KIFC3: variants seen among roughly 807,000 people sequenced by gnomAD.
KIFC3 encodes the protein kinesin family member C3.
A neutral mutation model predicts 101.8 loss-of-function variants in KIFC3; 60 were observed. That is an observed-to-expected ratio of 0.59 (90% CI 0.48 to 0.73). The LOEUF is 0.73. KIFC3 is among the 30% of genes least tolerant of loss of function. The pLI, the probability that KIFC3 is intolerant of heterozygous loss-of-function variation, is 0.00. For synonymous variants in KIFC3, 476 were observed against 482.7 expected (o/e 0.99, Z 0.18); for missense variants, 966 against 1,137.1 (o/e 0.85, Z 2.16).
At chr16:57,852,639 G>A (rs909880487) in intron 1 of KIFC3, among the ~76,000 whole-genome samples, 1 of 152,098 alleles carries the variant, frequency 6.6e-6, no homozygotes, top group East Asian at 1.9e-4. Context: ...TTCAGGAAGG[G>A]ATGGAAATGA....
In KIFC3 at chr16:57,758,626, G is replaced by A. The variant is rs781824780; in HGVS notation, c.*308C>T. On this transcript the variant is annotated 3_prime_UTR_variant, in exon 20 of 20. Transcript: ENST00000445690. ...GAGGCCCACCCTCCTCCACACTCCC[G>A]CCCTCCTCACGGGGCCCAGTTCGCT... 5.0e-5 allele frequency: 35 copies of A among 695,608 alleles called. No homozygotes were observed. Among genetic ancestry groups the A allele is most frequent in the Non-Finnish European group, 6.8e-5 (26 of 381,260 alleles). The allele number at this position is 695,608 out of a possible 1,614,324, so 43.1% of individuals were successfully genotyped here. A position where few individuals can be genotyped will look rare whatever the true frequency, so the allele number is the denominator to read the frequency against.
chr16:57,759,384 G>C (rs1431705479), intron 18 of KIFC3: 2 of 603,658 alleles, frequency 3.3e-6, no homozygotes, highest in African/African-American at 3.7e-5. Flanking sequence ...GGCACAGGGA[G>C]GGGGCTGCAG....
Position 57,759,385 on chromosome 16 carries a change from G to A in KIFC3, c.2477-232C>T. 5.0e-6 allele frequency: 3 copies of A among 601,074 alleles called. No homozygotes were observed. In the South Asian group the frequency reaches 6.0e-5, roughly 12 times the overall value. 37.2% of individuals were successfully genotyped at this position (601,074 alleles called of 1,614,324 possible). The stretch of plus-strand genomic sequence containing the variant: ...CCCGGGGCAGCTGAGGCACAGGGAG[G>A]GGGCTGCAGGGGCTGCTCTGGAGGG... On this transcript the variant is annotated intron_variant, in intron 18 of 19. Coordinates refer to ENST00000445690, the MANE Select transcript of KIFC3 (RefSeq NM_001130100.2).
chr16:57,828,311 C>T (rs1301119533), intron 1 of KIFC3, among the ~76,000 whole-genome samples: 2 of 152,254 alleles, frequency 1.3e-5, no homozygotes, highest in Non-Finnish European at 2.9e-5. Flanking sequence ...CGTGAGGCCA[C>T]CTGCCCGGTA....
At chr16:57,783,472 C>CTTTCTT (rs557476340) in intron 3 of KIFC3, among the ~76,000 whole-genome samples, 1 of 82,622 alleles carries the variant, frequency 1.2e-5, no homozygotes. Flanking sequence ...ATTTTCTTTT[C>CTTTCTT]TTTTTTTTTT....
Position 57,770,629 on chromosome 16 carries a change from G to A in KIFC3, c.837C>T (p.Asn279=). 3.2e-6 allele frequency: 5 copies of A among 1,552,186 alleles called. No individual in the cohort carries two copies. The highest frequency in any genetic ancestry group is 3.5e-6 in the Non-Finnish European group (4 of 1,147,894). The change falls in exon 7 of 20, where the codon AAC becomes AAT. Residue 279 remains asparagine, a synonymous_variant. Transcript: ENST00000445690. ...KQALSESQAR[N]QHLQEQVAMQ... ...TAGCCACCTGCTCCTGCAGGTGCTG[G>A]TTCCGGGCCTGGGACTCGCTGAGGG...
chr16:57,813,688 G>A (rs923558758), intron 1 of KIFC3: 12 of 985,140 alleles, frequency 1.2e-5, no homozygotes, highest in African/African-American at 8.7e-5. Flanking sequence ...CATCCTGCGT[G>A]TGTCCAGCAC....
intron 1 of KIFC3, among the ~76,000 whole-genome samples, chr16:57,858,800 A>G (rs2056233950): frequency 6.6e-6 from 1 of 152,148 alleles, no homozygotes; most frequent in Non-Finnish European, 1.5e-5. Context: ...TACAAAAAAG[A>G]TTAGCTGAGC....
chr16:57,797,993 G>A (rs1451165082), intron 2 of KIFC3, 79 bp downstream of exon 2: 8 of 1,548,358 alleles, frequency 5.2e-6, no homozygotes, highest in Admixed American at 3.9e-5. Flanking sequence ...CTTAGGAACC[G>A]GTGAGAAACC....
At position 57,764,150 on chromosome 16, in the gene KIFC3, G is replaced by A; in HGVS notation, c.1610C>T (p.Thr537Met). 1.9e-6 allele frequency: 3 copies of A among 1,611,372 alleles called. No homozygotes were observed. The highest frequency in any genetic ancestry group is 1.1e-5 in the South Asian group (1 of 91,050). The change falls in exon 12 of 20, where the codon ACG becomes ATG. Residue 537 changes from threonine (T) to methionine (M), a missense_variant. By Grantham distance (81) the Thr-to-Met change is moderately conservative (BLOSUM62 -1). Transcript: ENST00000445690. Reference sequence around the variant, plus strand: ...CCATTGGGCAGCACCCACCTCCATCGTGTACGTCTTGCCGGCGCCCGTCTG... The same window carrying A: ...CCATTGGGCAGCACCCACCTCCATCATGTACGTCTTGCCGGCGCCCGTCTG... Reference protein sequence around the residue: ...YGQTGAGKTYTMEGTAENPGI... With the variant: ...YGQTGAGKTYMMEGTAENPGI...
chr16:57,776,452 G>A, intron 3 of KIFC3: 1 of 980,938 alleles, frequency 1.0e-6, no homozygotes, highest in Non-Finnish European at 1.2e-6. Flanking sequence ...TCTAAAGCCA[G>A]GCTGCCCAGG....
At chr16:57,815,488 A>T in intron 1 of KIFC3, 4 of 1,247,292 alleles carry the variant, frequency 3.2e-6, no homozygotes, top group Non-Finnish European at 4.1e-6. Flanking sequence ...ATCACCCCCA[A>T]CCTGGCTGAT....
upstream of KIFC3, chr16:57,802,970 C>T (rs1482048053): frequency 3.9e-6 from 6 of 1,535,736 alleles, no homozygotes; most frequent in Non-Finnish European, 5.2e-6. This position sits in a 1 kb window ranked among gnomAD's most constrained non-coding sequence, Gnocchi z 5.0. Context: ...CGAGACAATA[C>T]ATGTACATCC....
In KIFC3 at chr16:57,771,430, G is replaced by A. The variant is rs1555608196; in HGVS notation, c.533C>T (p.Ala178Val). The A allele has an allele frequency of 6.2e-7, 1 of 1,613,560 alleles. No individual in the cohort carries two copies. Among genetic ancestry groups the A allele is most frequent in the East Asian group, 2.2e-5 (1 of 44,886 alleles). ...CTGGGACAGCTTGTCACGGAGCTGG[G>A]CGCTCTCCTGCAGCCATTGGGAGGC... Reference protein sequence around the residue: ...CPGCEHSQESAQLRDKLSQLQ... With the variant: ...CPGCEHSQESVQLRDKLSQLQ... The change falls in exon 6 of 20, where the codon GCC (alanine) becomes GTC (valine). Residue 178 changes from alanine (A) to valine (V), a missense_variant. Physicochemically the swap from Ala to Val is moderately conservative, Grantham distance 64. Coordinates refer to ENST00000445690, the MANE Select transcript of KIFC3 (RefSeq NM_001130100.2).
At chr16:57,776,123 T>G (rs1405615120) in intron 3 of KIFC3, 1 of 985,322 alleles carries the variant, frequency 1.0e-6, no homozygotes, top group Non-Finnish European at 1.2e-6. Flanking sequence ...GCTGGTTACC[T>G]CCTTACCTCC....
Position 57,795,892 on chromosome 16 carries a change from T to TTG in KIFC3, c.173-752_173-751insCA, listed in dbSNP as rs1555622695. ...TTTTTTTGGGCTTTTTTGTTTTTTT[T>TTG]TTTTTTTTTTTTTTTTTTTGAGACA... On this transcript the variant is annotated intron_variant, in intron 2 of 19. Coordinates refer to ENST00000445690, the MANE Select transcript of KIFC3 (RefSeq NM_001130100.2). Among the ~76,000 whole-genome samples the TTG allele has an allele frequency of 2.0e-3, 267 of 130,364 alleles. 7 individuals carry two copies. Among genetic ancestry groups the TTG allele is most frequent in the Middle Eastern group, 7.6e-3 (2 of 264 alleles). The allele number at this position is 130,364 out of a possible 152,430, so 85.5% of individuals were successfully genotyped here.
intron 17 of KIFC3, 93 bp from the exon 18 acceptor site, chr16:57,759,929 A>G: frequency 1.1e-6 from 1 of 929,932 alleles, no homozygotes; most frequent in Non-Finnish European, 1.6e-6. Context: ...CCTGCCTCCT[A>G]ACACCCAGTT....
rs139883620 is a variant in KIFC3, at chr16:57,849,998, G to A, written c.108+12731C>T. On this transcript the variant is annotated intron_variant, in intron 1 of 2. Transcript: ENST00000563028. Reference sequence around the variant, plus strand: ...GCTTGAGGGGAATCAGCCTCGAAAAGTAGGGGAATCACTTGAGGCCAGGAG... The same window carrying A: ...GCTTGAGGGGAATCAGCCTCGAAAAATAGGGGAATCACTTGAGGCCAGGAG... 7.1e-3 allele frequency among the ~76,000 whole-genome samples: 1,075 copies of A among 152,266 alleles called. 11 individuals carry two copies. Among genetic ancestry groups the A allele is most frequent in the African/African-American group, 0.025 (1,026 of 41,554 alleles).
At chr16:57,809,330 C>T (rs912895561) in intron 1 of KIFC3, among the ~76,000 whole-genome samples, 1 of 152,170 alleles carries the variant, frequency 6.6e-6, no homozygotes, top group Non-Finnish European at 1.5e-5. Flanking sequence ...GGGTCTCGCT[C>T]TCTCACCCAG....
Sources: allele counts gnomAD v4.1 joint callset (sites outside exome capture counted in the v4.1 genomes callset), GRCh38; gene constraint gnomAD v4.1.1; non-coding constraint Gnocchi (gnomAD v3.1); transcripts MANE v1.5; gene names NCBI Gene and HGNC (gene_info 2026-07-23, HGNC 2026-07-21).